Variants in ZNF385D observed in about 807,000 individuals in gnomAD.
ZNF385D encodes zinc finger protein 385D.
In ZNF385D, 15 loss-of-function variants were observed where a neutral mutation model predicts 35.8. The observed-to-expected ratio is 0.42, with a 90% CI of 0.28 to 0.64. ZNF385D has a LOEUF of 0.64. Among genes scored for constraint, ZNF385D ranks in the 30% least tolerant of loss-of-function variants. The pLI is 0.23. For missense variants in ZNF385D, 474 were observed against 494.6 expected (o/e 0.96, Z 0.39); for synonymous variants, 212 against 186.8 (o/e 1.13, Z -1.10).
chr3:21,988,142 A>G lies in ZNF385D; in HGVS notation c.325+180675T>C, dbSNP rs1384794736. ...TCCTCCCGTAGCTCAGAGTCATTTG[A>G]TCATCTGAAGCCTTCTTCTCTCAAC... On this transcript the variant is annotated intron_variant, in intron 3 of 5. Transcript: ENST00000494108. 5.4e-5 allele frequency among the ~76,000 whole-genome samples: 7 copies of G among 128,564 alleles called. 1 individual carries two copies. The highest frequency in any genetic ancestry group is 1.0e-4 in the Non-Finnish European group (6 of 59,434). The allele number at this position is 128,564 out of a possible 152,430, so 84.3% of individuals were successfully genotyped here.
At chr3:22,147,789 C>A (rs1460037616) in intron 3 of ZNF385D, among the ~76,000 whole-genome samples, 1 of 152,056 alleles carries the variant, frequency 6.6e-6, no homozygotes, top group East Asian at 1.9e-4. Flanking sequence ...TACTCATTGT[C>A]CCTAATTTTG....
chr3:21,922,915 G>A (rs190403928), intron 3 of ZNF385D, among the ~76,000 whole-genome samples: 203 of 152,112 alleles, frequency 1.3e-3, no homozygotes, highest in Non-Finnish European at 2.6e-3. Context: ...AATCTATAGG[G>A]AACTTCAATA....
intron 2 of ZNF385D, among the ~76,000 whole-genome samples, chr3:22,337,854 C>T (rs1196729739): frequency 6.6e-6 from 1 of 152,174 alleles, no homozygotes; most frequent in Non-Finnish European, 1.5e-5. Context: ...TGTTTTGTTT[C>T]CCATACAGTT....
At position 22,175,008 on chromosome 3, in the gene ZNF385D, G is replaced by A. The variant is rs997918177; in HGVS notation, c.107-5973C>T. Among the ~76,000 whole-genome samples the A allele has an allele frequency of 2.7e-4, 41 of 151,764 alleles. 1 individual carries two copies. Among genetic ancestry groups the A allele is most frequent in the Non-Finnish European group, 4.9e-4 (33 of 67,878 alleles). On this transcript the variant is annotated intron_variant, in intron 2 of 5. Coordinates refer to the ZNF385D transcript ENST00000494108. Reference sequence around the variant, plus strand: ...ATCCACCAATACTGACTTCCTTATAGAGTCTCTTATAAAGAGTTCTTAAAA... The same window carrying A: ...ATCCACCAATACTGACTTCCTTATAAAGTCTCTTATAAAGAGTTCTTAAAA...
upstream of ZNF385D, among the ~76,000 whole-genome samples, chr3:21,753,053 A>G (rs1285666351): frequency 6.6e-6 from 1 of 152,202 alleles, no homozygotes; most frequent in African/African-American, 2.4e-5. Flanking sequence ...AGGAGATTTG[A>G]AACATTAAAG....
At chr3:21,935,538 C>G (rs1439287547) in intron 3 of ZNF385D, among the ~76,000 whole-genome samples, 1 of 152,096 alleles carries the variant, frequency 6.6e-6, no homozygotes. Context: ...TTCAATCCTG[C>G]CTTCCTAGAG....
At chr3:22,229,037 A>G (rs964222987) in intron 2 of ZNF385D, among the ~76,000 whole-genome samples, 1 of 152,196 alleles carries the variant, frequency 6.6e-6, no homozygotes, top group African/African-American at 2.4e-5. Flanking sequence ...CAGGAGGCCT[A>G]TTGTGGGACT....
intron 3 of ZNF385D, among the ~76,000 whole-genome samples, chr3:22,068,912 G>A (rs940154907): frequency 5.9e-5 from 9 of 152,160 alleles, no homozygotes; most frequent in African/African-American, 2.2e-4. Flanking sequence ...TAAATATGGA[G>A]GAAGGTGTCT....
At chr3:21,636,068 G>C (rs1056571059) in intron 2 of ZNF385D, among the ~76,000 whole-genome samples, 1 of 151,878 alleles carries the variant, frequency 6.6e-6, no homozygotes, top group South Asian at 2.1e-4. Context: ...CCTCTGGGTA[G>C]ATACCCAGTC....
At chr3:21,828,036 G>A (rs1241946359) in intron 3 of ZNF385D, among the ~76,000 whole-genome samples, 1 of 152,138 alleles carries the variant, frequency 6.6e-6, no homozygotes, top group Non-Finnish European at 1.5e-5. Context: ...TTCTGATTAT[G>A]GTTTTCCTCC....
chr3:21,824,304 G>GTAA (rs1171570394), intron 3 of ZNF385D, among the ~76,000 whole-genome samples: 5 of 152,150 alleles, frequency 3.3e-5, no homozygotes, highest in Admixed American at 2.0e-4. Context: ...AGGCTATGTA[G>GTAA]TAATGGTGCT....
intron 3 of ZNF385D, among the ~76,000 whole-genome samples, chr3:21,928,522 G>A (rs1700857382): frequency 6.6e-6 from 1 of 152,056 alleles, no homozygotes. Flanking sequence ...ACCGCAGAAT[G>A]TACATATTTT....
chr3:21,819,760 TTATA>T (rs1454592988), intron 3 of ZNF385D, among the ~76,000 whole-genome samples: 1 of 81,712 alleles, frequency 1.2e-5, no homozygotes, highest in African/African-American at 4.5e-5. Flanking sequence ...GTACACATAA[TTATA>T]TATAATTAAT....
intron 1 of ZNF385D, among the ~76,000 whole-genome samples, chr3:21,703,410 G>C (rs1325234122): frequency 6.6e-6 from 1 of 152,028 alleles, no homozygotes; most frequent in Non-Finnish European, 1.5e-5. Flanking sequence ...CTTGAGATTT[G>C]GGTGGGGACA....
intron 1 of ZNF385D, among the ~76,000 whole-genome samples, chr3:21,701,737 G>A (rs2067691242): frequency 6.6e-6 from 1 of 152,162 alleles, no homozygotes; most frequent in Non-Finnish European, 1.5e-5. Flanking sequence ...GATAAATACA[G>A]CCATTCCAAA....
chr3:21,489,055 G>A (rs889548421), intron 4 of ZNF385D, among the ~76,000 whole-genome samples: 1 of 152,080 alleles, frequency 6.6e-6, no homozygotes, highest in Non-Finnish European at 1.5e-5. Flanking sequence ...GCCATTTAAT[G>A]CTCTCTTTTG....
At chr3:21,947,087 T>C (rs1007139311) in intron 3 of ZNF385D, among the ~76,000 whole-genome samples, 1 of 152,168 alleles carries the variant, frequency 6.6e-6, no homozygotes, top group South Asian at 2.1e-4. Flanking sequence ...AAATGGAATT[T>C]TGGGGTCAAA....
At chr3:22,206,646 G>A (rs947335831) in intron 2 of ZNF385D, among the ~76,000 whole-genome samples, 1 of 151,638 alleles carries the variant, frequency 6.6e-6, no homozygotes, top group African/African-American at 2.4e-5. Flanking sequence ...ATACAAATGA[G>A]TGAAAATTAA....
At chr3:21,992,513 C>G (rs546469254) in intron 3 of ZNF385D, among the ~76,000 whole-genome samples, 19 of 152,214 alleles carry the variant, frequency 1.2e-4, no homozygotes, top group Middle Eastern at 3.4e-3. Context: ...TTACTAAGCT[C>G]TTTAAATGTT....
Sources: gnomAD v4.1 joint callset for allele counts (sites outside exome capture counted in the v4.1 genomes callset) on GRCh38, gnomAD v4.1.1 for gene constraint, MANE v1.5 for transcripts, NCBI Gene and HGNC (gene_info 2026-07-23, HGNC 2026-07-21) for gene names.